UBE4B: variants seen among roughly 807,000 people sequenced by gnomAD.
The protein encoded by UBE4B is ubiquitin conjugation factor E4 B.
In UBE4B, 27 loss-of-function variants were observed where a neutral mutation model predicts 148.1. The ratio of observed to expected loss-of-function variants is 0.18; its 90% CI spans 0.13 to 0.25. The LOEUF is 0.25. Among genes scored for constraint, UBE4B ranks in the 10% least tolerant of loss-of-function variants. The pLI, the probability that UBE4B is intolerant of heterozygous loss-of-function variation, is 1.00. For missense variants in UBE4B, 1,170 were observed against 1,662.4 expected (o/e 0.70, Z 5.15); for synonymous variants, 596 against 619.3 (o/e 0.96, Z 0.56).
intron 23 of UBE4B, among the ~76,000 whole-genome samples, chr1:10,166,650 G>A (rs966408344): frequency 1.3e-5 from 2 of 152,006 alleles, no homozygotes; most frequent in East Asian, 1.9e-4. Context: ...TAGGCCAGGC[G>A]CATTGGCTCA....
intron 11 of UBE4B, among the ~76,000 whole-genome samples, chr1:10,127,880 G>A (rs763825614): frequency 5.3e-5 from 8 of 152,102 alleles, no homozygotes; most frequent in Non-Finnish European, 8.8e-5. Flanking sequence ...GTACACAAAG[G>A]GTGTATTTAT....
chr1:10,079,651 G>A (rs1188735068), intron 2 of UBE4B, among the ~76,000 whole-genome samples: 2 of 152,162 alleles, frequency 1.3e-5, no homozygotes. Context: ...GTGGACCACA[G>A]GTAAAGATCC....
chr1:10,132,300 G>A lies in UBE4B; in HGVS notation c.1912-69G>A, dbSNP rs903842435. The A allele has an allele frequency of 1.5e-5, 18 of 1,229,450 alleles. No homozygotes were observed. In the African/African-American group the frequency reaches 1.5e-4, roughly 10 times the overall value. 76.2% of individuals were successfully genotyped at this position (1,229,450 alleles called of 1,614,324 possible). On this transcript the variant is annotated intron_variant, in intron 14 of 27. Coordinates refer to ENST00000343090, the MANE Select transcript of UBE4B (RefSeq NM_001105562.3). ...AACGTGGGAAGTAGGCTAGCTGTTC[G>A]TGAAGTCAAAAAGGAATCATGTGCA...
At chr1:10,164,553 C>T in intron 23 of UBE4B, among the ~76,000 whole-genome samples, 1 of 152,162 alleles carries the variant, frequency 6.6e-6, no homozygotes, top group East Asian at 1.9e-4. Context: ...GTCTATAGCA[C>T]ATTCTCGTAT....
chr1:10,124,481 C>T (rs115385362), intron 10 of UBE4B, among the ~76,000 whole-genome samples: 1,829 of 152,296 alleles, frequency 0.012, 34 homozygotes, highest in African/African-American at 0.042. Context: ...AACCACAGCG[C>T]CTGGCCCAGA....
chr1:10,152,424 G>A (rs1218273405), intron 21 of UBE4B, among the ~76,000 whole-genome samples: 6 of 152,178 alleles, frequency 3.9e-5, no homozygotes, highest in East Asian at 3.9e-4. Flanking sequence ...CAGATTTAGT[G>A]CTATGAAACT....
chr1:10,073,124 C>G (rs1306070624), intron 2 of UBE4B: 1 of 152,288 alleles, frequency 6.6e-6, no homozygotes, highest in Non-Finnish European at 1.5e-5. Flanking sequence ...TATAATGTTT[C>G]CTCTGTATGT....
chr1:10,137,147 A>C lies in UBE4B; in HGVS notation c.2305A>C (p.Ile769Leu), dbSNP rs761724316. ...FLTLHAHHLSILPSCRRYIRR... is the reference protein window; with the variant it reads ...FLTLHAHHLSLLPSCRRYIRR... The stretch of plus-strand genomic sequence containing the variant: ...CACCCTGCATGCTCACCACCTCTCT[A>C]TTCTGCCTAGTTGCCGTCGCTATAT... Residue 769 changes from isoleucine (I) to leucine (L), a missense_variant, in exon 17 of 28, where the codon ATT becomes CTT. Ile to Leu is a conservative substitution (Grantham distance 5). Around this residue, in one of 6 missense-constraint regions of UBE4B, gnomAD observed 388 missense variants for 536.0 expected, o/e 0.72. Coordinates refer to ENST00000343090, the MANE Select transcript of UBE4B (RefSeq NM_001105562.3). 4 of 1,613,954 alleles carry C rather than the reference A, an allele frequency of 2.5e-6. No individual in the cohort carries two copies. The highest frequency in any genetic ancestry group is 3.4e-6 in the Non-Finnish European group (4 of 1,179,988).
intron 7 of UBE4B, among the ~76,000 whole-genome samples, chr1:10,111,736 C>T (rs1475351327): frequency 2.0e-5 from 3 of 152,142 alleles, no homozygotes; most frequent in African/African-American, 7.2e-5. Flanking sequence ...GTGGGCGGAT[C>T]ACTTGAGGTC....
chr1:10,082,630 G>A (rs114265719), intron 2 of UBE4B, among the ~76,000 whole-genome samples: 1,825 of 144,786 alleles, frequency 0.013, 35 homozygotes, highest in African/African-American at 0.044. Flanking sequence ...TTAAGAAGGC[G>A]ACTTTTTTTT....
At chr1:10,076,741 C>CT (rs61563451) in intron 2 of UBE4B, among the ~76,000 whole-genome samples, 4,550 of 105,838 alleles carry the variant, frequency 0.043, 173 homozygotes, top group African/African-American at 0.054. Context: ...CAGTCCCAGC[C>CT]TTTTTTTTTT....
intron 25 of UBE4B, among the ~76,000 whole-genome samples, chr1:10,175,519 C>G (rs530630419): frequency 6.6e-6 from 1 of 151,460 alleles, no homozygotes; most frequent in Non-Finnish European, 1.5e-5. Flanking sequence ...GGCGTGGTGG[C>G]GGGCGCCCGT....
chr1:10,178,575 AT>A (rs1317523327), intron 25 of UBE4B, 68 bp from the exon 26 acceptor site: 15 of 1,478,882 alleles, frequency 1.0e-5, no homozygotes, highest in African/African-American at 1.4e-5. Context: ...TACTTTGGAT[AT>A]TTTCTGCAGC....
chr1:10,134,887 A>G (rs1055649969), intron 15 of UBE4B, 101 bp from the exon 16 acceptor site: 6 of 989,544 alleles, frequency 6.1e-6, no homozygotes, highest in Non-Finnish European at 9.0e-6. Context: ...TGCAGCCAAG[A>G]TCACACCCCT....
chr1:10,162,982 A>C (rs571842004), intron 23 of UBE4B, among the ~76,000 whole-genome samples: 1 of 152,180 alleles, frequency 6.6e-6, no homozygotes, highest in East Asian at 1.9e-4. Flanking sequence ...CTTTCTCCTT[A>C]CTTCTGTAAC....
intron 7 of UBE4B, among the ~76,000 whole-genome samples, chr1:10,107,576 C>CTTTTTTTT (rs60975850): frequency 7.0e-5 from 9 of 128,272 alleles, no homozygotes; most frequent in Non-Finnish European, 8.1e-5. Context: ...TTCTTTCTTT[C>CTTTTTTTT]TTTTTTTTTT....
In UBE4B at chr1:10,135,089, G is replaced by A. The variant is rs776093046; in HGVS notation, c.2127G>A (p.Thr709=). 1.8e-5 allele frequency: 29 copies of A among 1,613,922 alleles called. No homozygotes were observed. The highest frequency in any genetic ancestry group is 3.3e-5 in the Admixed American group (2 of 59,980). ...TKIKLETVDP[T]YIFHPRCRIT... ...TCAAGTTAGAAACAGTTGATCCCAC[G>A]TATATTTTTCACCCAAGATGTCGGA... The change falls in exon 16 of 28, where the codon ACG becomes ACA. Residue 709 remains threonine (T), a synonymous_variant. Transcript: ENST00000343090.
At chr1:10,049,815 G>A (rs1460154486) in intron 1 of UBE4B, among the ~76,000 whole-genome samples, 2 of 151,420 alleles carry the variant, frequency 1.3e-5, no homozygotes, top group East Asian at 1.9e-4. Context: ...ACTTGAGCCC[G>A]GCAGGTCCAG....
At chr1:10,107,323 A>G in intron 7 of UBE4B, 1 of 1,289,502 alleles carries the variant, frequency 7.8e-7, no homozygotes, top group Non-Finnish European at 1.0e-6. Context: ...GATGGTGATG[A>G]TGAAGGTGGT....
Sources: allele counts gnomAD v4.1 joint callset (sites outside exome capture counted in the v4.1 genomes callset), GRCh38; gene constraint gnomAD v4.1.1; regional missense constraint gnomAD v4.1.1; transcripts MANE v1.5; gene names NCBI Gene and HGNC (gene_info 2026-07-23, HGNC 2026-07-21).